HMGXB3: variants seen among roughly 807,000 people sequenced by gnomAD.
HMGXB3 encodes the protein HMG domain-containing protein 3.
Under a neutral mutation model 121.5 loss-of-function variants are expected in HMGXB3, and 45 were observed. That is an observed-to-expected ratio of 0.37 (90% confidence interval 0.29 to 0.47). The LOEUF (loss-of-function observed/expected upper bound fraction) is 0.47, where lower values mean the gene tolerates loss of function less well. HMGXB3 is among the 20% of genes least tolerant of loss of function. The pLI, the probability that HMGXB3 is intolerant of heterozygous loss-of-function variation, is 0.99. For synonymous variants in HMGXB3, 590 were observed against 624.1 expected (o/e 0.95, Z 0.81); for missense variants, 1,376 against 1,602.2 (o/e 0.86, Z 2.41).
intron 14 of HMGXB3, among the ~76,000 whole-genome samples, 186 bp downstream of exon 14, chr5:150,041,065 A>G (rs1756621591): frequency 6.6e-6 from 1 of 152,222 alleles, no homozygotes; most frequent in East Asian, 1.9e-4. Flanking sequence ...TTTGGAAAGC[A>G]TGAATCTTTT....
At chr5:150,051,126 C>T (rs1016735178) in intron 19 of HMGXB3, among the ~76,000 whole-genome samples, 5 of 152,142 alleles carry the variant, frequency 3.3e-5, no homozygotes, top group Admixed American at 6.5e-5. Flanking sequence ...TGGACTTTTC[C>T]GGGTCCCACA....
chr5:150,009,742 T>C (rs528803515), intron 3 of HMGXB3, among the ~76,000 whole-genome samples: 4 of 152,330 alleles, frequency 2.6e-5, no homozygotes, highest in African/African-American at 9.6e-5. Context: ...TTCAGCTCCC[T>C]TGTTTTACAG....
intron 11 of HMGXB3, among the ~76,000 whole-genome samples, chr5:150,035,420 A>G (rs1581261179): frequency 6.6e-6 from 1 of 152,000 alleles, no homozygotes; most frequent in Non-Finnish European, 1.5e-5. Flanking sequence ...TGACCCAAGT[A>G]CCTCCCTTTA....
chr5:150,013,647 C>T (rs1413762882), intron 5 of HMGXB3, among the ~76,000 whole-genome samples: 3 of 152,098 alleles, frequency 2.0e-5, no homozygotes, highest in Non-Finnish European at 4.4e-5. Flanking sequence ...CTGGAGTTTT[C>T]TTTGTGAGAA....
intron 1 of HMGXB3, among the ~76,000 whole-genome samples, chr5:150,003,557 C>G (rs1358064243): frequency 6.6e-6 from 1 of 151,492 alleles, no homozygotes; most frequent in Non-Finnish European, 1.5e-5. Flanking sequence ...CCAGCCTGGA[C>G]AACATAGCGA....
chr5:150,012,142 G>A, intron 4 of HMGXB3, 113 bp from the exon 5 acceptor site: 1 of 692,184 alleles, frequency 1.4e-6, no homozygotes, highest in Non-Finnish European at 2.6e-6. Flanking sequence ...AAGCACATTG[G>A]GATGAGTACA....
intron 6 of HMGXB3, 72 bp downstream of exon 6, chr5:150,018,769 T>G (rs1756016379): frequency 4.3e-6 from 6 of 1,400,572 alleles, no homozygotes; most frequent in Non-Finnish European, 5.7e-6. Flanking sequence ...TAGGAACAGG[T>G]GATTTTTAAA....
At chr5:150,019,042 TCAAA>T (rs957853606) in intron 6 of HMGXB3, among the ~76,000 whole-genome samples, 14 of 152,018 alleles carry the variant, frequency 9.2e-5, no homozygotes, top group African/African-American at 2.7e-4. Flanking sequence ...TGCTCTGGCC[TCAAA>T]CAGTCTCCTG....
At chr5:150,034,384 A>G (rs1395571058) in intron 11 of HMGXB3, among the ~76,000 whole-genome samples, 1 of 152,198 alleles carries the variant, frequency 6.6e-6, no homozygotes, top group Non-Finnish European at 1.5e-5. Context: ...ATTAGGAGAT[A>G]GAATTGAGTT....
rs866848638 is a variant in HMGXB3 at position 150,032,482 on chromosome 5, G to A, written c.1862G>A (p.Arg621Gln). The A allele has an allele frequency of 2.6e-6, 4 of 1,551,390 alleles. No individual in the cohort carries two copies. Among genetic ancestry groups the A allele is most frequent in the African/African-American group, 2.7e-5 (2 of 73,000 alleles). ...TTGGGCCTGGCTACATCAAGAGGCCGGGGAAAGTGCAAGAATCCCTCTTGT... is the reference window on the plus strand; with the variant it reads ...TTGGGCCTGGCTACATCAAGAGGCCAGGGAAAGTGCAAGAATCCCTCTTGT... ...LDLGLATSRG[R>Q]GKCKNPSCSY... The change falls in exon 11 of 20, where the codon CGG (arginine) becomes CAG (glutamine). Residue 621 changes from arginine to glutamine, a missense_variant. Arg to Gln is a conservative substitution (Grantham distance 43, BLOSUM62 1). Coordinates refer to ENST00000502717, the MANE Select transcript of HMGXB3 (RefSeq NM_014983.3).
intron 2 of HMGXB3, 104 bp downstream of exon 2, chr5:150,005,093 A>G: frequency 9.2e-6 from 13 of 1,411,240 alleles, no homozygotes; most frequent in Non-Finnish European, 1.2e-5. Context: ...GAGTGTTATG[A>G]TTGAAGTCCT....
intron 16 of HMGXB3, among the ~76,000 whole-genome samples, chr5:150,046,959 C>G (rs1368146797): frequency 6.7e-6 from 1 of 150,112 alleles, no homozygotes; most frequent in East Asian, 2.0e-4. Context: ...GATCTGGGCT[C>G]ACTGCAACTC....
intron 1 of HMGXB3, among the ~76,000 whole-genome samples, chr5:150,002,839 A>G (rs769512081): frequency 1.3e-5 from 2 of 152,196 alleles, no homozygotes; most frequent in Non-Finnish European, 2.9e-5. Flanking sequence ...ATATGTTGCT[A>G]TTTCAGTTAA....
intron 14 of HMGXB3, 123 bp downstream of exon 14, chr5:150,041,002 T>A (rs1756619738): frequency 1.0e-6 from 1 of 954,914 alleles, no homozygotes; most frequent in African/African-American, 1.7e-5. Context: ...AAGGAGACAT[T>A]CTTGACTTCC....
chr5:150,029,180 G>A (rs1756315057), intron 9 of HMGXB3, among the ~76,000 whole-genome samples: 1 of 151,900 alleles, frequency 6.6e-6, no homozygotes, highest in Non-Finnish European at 1.5e-5. Context: ...TCAGAAACTT[G>A]GCTCTTACTC....
intron 2 of HMGXB3, among the ~76,000 whole-genome samples, chr5:150,006,124 T>A (rs1230529353): frequency 1.3e-5 from 2 of 152,214 alleles, no homozygotes; most frequent in Non-Finnish European, 2.9e-5. Flanking sequence ...GTAGCTTATA[T>A]AAGCATTTCT....
Position 150,051,793 on chromosome 5 carries a change from C to T in HMGXB3, c.3480C>T (p.Ile1160=). 2 of 1,546,690 alleles carry T rather than the reference C, an allele frequency of 1.3e-6. No individual in the cohort carries two copies. Among genetic ancestry groups the T allele is most frequent in the Non-Finnish European group, 8.7e-7 (1 of 1,147,064 alleles). Residue 1160 remains isoleucine, a synonymous_variant, in exon 20 of 20, where the codon ATC becomes ATT. Coordinates refer to ENST00000502717, the MANE Select transcript of HMGXB3 (RefSeq NM_014983.3). ...ACATGACAGAAACTGAGCACTCTAT[C>T]CAGCACCCAGTCACCAAGACTGCCA... ...TVDMTETEHS[I]QHPVTKTATR...
At chr5:150,016,392 T>C (rs1425341462) in intron 5 of HMGXB3, among the ~76,000 whole-genome samples, 3 of 151,958 alleles carry the variant, frequency 2.0e-5, no homozygotes, top group Non-Finnish European at 4.4e-5. Flanking sequence ...CTTGTAGATT[T>C]GTCTGTTTCT....
At chr5:150,019,733 A>G (rs10044157) in intron 6 of HMGXB3, among the ~76,000 whole-genome samples, 14,214 of 152,216 alleles carry the variant, frequency 0.093, 2,189 homozygotes, top group African/African-American at 0.32. Flanking sequence ...GGCTTAGGTT[A>G]GGTTCGTGAT....
Sources: allele counts gnomAD v4.1 joint callset (sites outside exome capture counted in the v4.1 genomes callset), GRCh38; gene constraint gnomAD v4.1.1; transcripts MANE v1.5; gene names NCBI Gene and HGNC (gene_info 2026-07-23, HGNC 2026-07-21).